MAST4: variants seen among roughly 807,000 people sequenced by gnomAD.
MAST4 encodes microtubule associated serine/threonine kinase family member 4.
A neutral mutation model predicts 162.7 loss-of-function variants in MAST4; 89 were observed. That is an observed-to-expected ratio of 0.55 (90% confidence interval 0.46 to 0.65). The LOEUF (loss-of-function observed/expected upper bound fraction) is 0.65. Among genes scored for constraint, MAST4 ranks in the 30% least tolerant of loss-of-function variants. The probability of loss-of-function intolerance (pLI) is 0.00; values close to 1 mark genes in which losing one functional copy is unlikely to be tolerated. For synonymous variants in MAST4, 1,479 were observed against 1,361.1 expected (o/e 1.09, Z -1.91); for missense variants, 3,153 against 3,374.0 (o/e 0.93, Z 1.62).
At chr5:66,636,994 CA>C (rs1745163164) in intron 1 of MAST4, among the ~76,000 whole-genome samples, 1 of 152,090 alleles carries the variant, frequency 6.6e-6, no homozygotes. Flanking sequence ...TTGTATATAC[CA>C]ATGACCTGGA....
chr5:67,093,855 T>C (rs563426496), intron 6 of MAST4, among the ~76,000 whole-genome samples: 89 of 152,304 alleles, frequency 5.8e-4, no homozygotes, highest in Middle Eastern at 3.4e-3. Flanking sequence ...ATCATATCCT[T>C]TTCTTACTTT....
At position 66,759,791 on chromosome 5, in the gene MAST4, T is replaced by C. The variant is rs368291213; in HGVS notation, c.446T>C (p.Leu149Pro). 5.6e-5 allele frequency: 91 copies of C among 1,613,918 alleles called. No homozygotes were observed. The African/African-American group carries it at 1.2e-3, about 21-fold the overall frequency. ...GTGGCTTCTGGCCCTGGAAAATCAC[T>C]GAAGTATAAAAGACAGCTGAGTGAG... ...PDVASGPGKS[L>P]KYKRQLSEDG... The change falls in exon 2 of 29, where the codon CTG becomes CCG. Residue 149 changes from leucine (L) to proline (P), a missense_variant. This residue lies in a region of MAST4 where 327 missense variants were observed against 336.5 expected (regional missense o/e 0.97). Coordinates refer to ENST00000403625, the MANE Select transcript of MAST4 (RefSeq NM_001164664.2).
chr5:67,080,905 CATT>C (rs1296732819), intron 5 of MAST4, among the ~76,000 whole-genome samples: 16 of 144,522 alleles, frequency 1.1e-4, no homozygotes, highest in African/African-American at 1.8e-4. Context: ...AAAATGTAAA[CATT>C]ATGGTTAATT....
At chr5:67,107,797 A>G (rs1052185149) in intron 10 of MAST4, among the ~76,000 whole-genome samples, 1 of 152,228 alleles carries the variant, frequency 6.6e-6, no homozygotes, top group African/African-American at 2.4e-5. Context: ...TTATGTCTCC[A>G]TTCTTTTTTG....
rs3188121 is a variant in MAST4, at chr5:67,166,497, T to A, written c.7318T>A (p.Ser2440Thr). 0.026 allele frequency: 41,196 copies of A among 1,604,494 alleles called. 651 individuals carry two copies. Among genetic ancestry groups the A allele is most frequent in the Middle Eastern group, 0.058 (349 of 6,050 alleles). ...AGACAAGCCCAATGGCATGAAACGG[T>A]CCCCCTCAGCCACTGGGCAGAGTTC... ...EADKPNGMKR[S>T]PSATGQSSFR... The change falls in exon 29 of 29, where the codon TCC (serine) becomes ACC (threonine). Residue 2440 changes from serine to threonine, a missense_variant. Ser to Thr is a moderately conservative substitution (Grantham distance 58). This residue lies in a region of MAST4 where 1,644 missense variants were observed against 1,495.0 expected (regional missense o/e 1.10). Coordinates refer to ENST00000403625, the MANE Select transcript of MAST4 (RefSeq NM_001164664.2).
intron 11 of MAST4, among the ~76,000 whole-genome samples, chr5:67,111,997 A>G (rs1581600556): frequency 6.6e-6 from 1 of 151,922 alleles, no homozygotes; most frequent in African/African-American, 2.4e-5. Flanking sequence ...GTATGTTTGT[A>G]AAGGCTCTGA....
intron 1 of MAST4, among the ~76,000 whole-genome samples, chr5:66,646,953 C>T (rs1319040950): frequency 6.6e-6 from 1 of 152,176 alleles, no homozygotes; most frequent in Non-Finnish European, 1.5e-5. Flanking sequence ...AATAAGATGT[C>T]TTTCTTAGCT....
At chr5:66,970,037 C>T (rs943309856) in intron 4 of MAST4, among the ~76,000 whole-genome samples, 6 of 152,118 alleles carry the variant, frequency 3.9e-5, no homozygotes, top group South Asian at 2.1e-4. Context: ...CATGCAGGCA[C>T]TCTTAGGAAT....
At chr5:66,828,880 C>T (rs1394098780) in intron 3 of MAST4, 3 of 1,601,360 alleles carry the variant, frequency 1.9e-6, no homozygotes, top group Non-Finnish European at 2.6e-6. Context: ...AAGAGGGCTC[C>T]AGGTAGGAGA....
At chr5:66,781,587 T>C (rs1313495203) in intron 2 of MAST4, among the ~76,000 whole-genome samples, 1 of 152,214 alleles carries the variant, frequency 6.6e-6, no homozygotes, top group Non-Finnish European at 1.5e-5. Flanking sequence ...GAGCGATATC[T>C]GGGCCACTTC....
intron 4 of MAST4, among the ~76,000 whole-genome samples, chr5:66,953,488 C>T (rs949660041): frequency 6.6e-6 from 1 of 152,082 alleles, no homozygotes; most frequent in Non-Finnish European, 1.5e-5. Flanking sequence ...ATCTAGGTTG[C>T]TGTTCCTGTA....
At chr5:67,006,872 C>T (rs563521483) in intron 4 of MAST4, among the ~76,000 whole-genome samples, 1 of 152,270 alleles carries the variant, frequency 6.6e-6, no homozygotes, top group South Asian at 2.1e-4. Flanking sequence ...GCTGTTTCCA[C>T]CCCAAGTCAT....
At chr5:66,797,456 A>G (rs1755705681) in intron 3 of MAST4, among the ~76,000 whole-genome samples, 3 of 152,156 alleles carry the variant, frequency 2.0e-5, no homozygotes, top group Admixed American at 2.0e-4. Flanking sequence ...TGGCACCTGA[A>G]GCTTCAGTCT....
At chr5:66,990,609 A>C (rs1455387281) in intron 4 of MAST4, among the ~76,000 whole-genome samples, 2 of 152,196 alleles carry the variant, frequency 1.3e-5, no homozygotes, top group African/African-American at 4.8e-5. Flanking sequence ...ACTGCACTCC[A>C]GCCTGGGAGA....
chr5:67,101,330 T>G (rs1765006645), intron 8 of MAST4, among the ~76,000 whole-genome samples: 1 of 152,220 alleles, frequency 6.6e-6, no homozygotes, highest in Admixed American at 6.5e-5. Context: ...ATGCGACTTC[T>G]TTTATATCCC....
chr5:66,689,325 C>G (rs1453186265), intron 1 of MAST4, among the ~76,000 whole-genome samples: 1 of 152,144 alleles, frequency 6.6e-6, no homozygotes, highest in Non-Finnish European at 1.5e-5. Context: ...GCAATCTCTA[C>G]TGTCCCCTAA....
chr5:66,910,741 C>CTTTGTTTTTTTTTTTTTTTT (rs1763690763), intron 4 of MAST4, among the ~76,000 whole-genome samples: 24 of 20,098 alleles, frequency 1.2e-3, no homozygotes, highest in Middle Eastern at 0.038. Context: ...TTTTTTTTTT[C>CTTTGTTTTTTTTTTTTTTTT]TTTTTTTTTT....
intron 1 of MAST4, among the ~76,000 whole-genome samples, chr5:66,652,399 A>G (rs1157466946): frequency 2.0e-5 from 3 of 152,208 alleles, no homozygotes; most frequent in African/African-American, 7.2e-5. Context: ...GTACAAACTA[A>G]TGAACATTTA....
In MAST4 at chr5:67,166,837, T is replaced by G. The variant is rs1774071441; in HGVS notation, c.7658T>G (p.Val2553Gly). ...GASHRDRALS[V>G]TATVGETKGK... is the part of the protein sequence containing the mutation. ...AGCCACCGGGACAGGGCTCTCTCGG[T>G]GACTGCCACCGTAGGGGAAACCAAA... is the stretch of plus-strand genomic sequence containing the variant. Residue 2553 changes from valine (V) to glycine (G), a missense_variant, in exon 29 of 29, where the codon GTG becomes GGG. Val to Gly is a moderately radical substitution (Grantham distance 109). Around this residue, in one of 7 missense-constraint regions of MAST4, gnomAD observed 1,644 missense variants for 1,495.0 expected, o/e 1.10. Transcript: ENST00000403625. 1.7e-5 allele frequency: 27 copies of G among 1,603,936 alleles called. No individual in the cohort carries two copies. The highest frequency in any genetic ancestry group is 2.3e-5 in the Non-Finnish European group (27 of 1,175,942).
Sources: gnomAD v4.1 joint callset for allele counts (sites outside exome capture counted in the v4.1 genomes callset) on GRCh38, gnomAD v4.1.1 for gene constraint, gnomAD v4.1.1 regional missense constraint, MANE v1.5 for transcripts, NCBI Gene and HGNC (gene_info 2026-07-23, HGNC 2026-07-21) for gene names.